The following CCDC149 variants were observed in gnomAD, a reference collection of about 807,000 sequenced individuals.
CCDC149 encodes coiled-coil domain containing 149, also known as coiled-coil domain-containing protein 149.
In CCDC149, 45 loss-of-function variants were observed where a neutral mutation model predicts 59.9. The ratio of observed to expected loss-of-function variants is 0.75; its 90% CI spans 0.59 to 0.96. The LOEUF is 0.96. Ranked by LOEUF, CCDC149 falls within the 40% of genes least tolerant of loss-of-function variation. CCDC149 has a pLI of 0.00. For synonymous variants in CCDC149, 245 were observed against 260.6 expected (o/e 0.94, Z 0.58); for missense variants, 584 against 664.7 (o/e 0.88, Z 1.33).
chr4:24,925,484 TA>T (rs1261395192), intron 1 of CCDC149, among the ~76,000 whole-genome samples: 1 of 152,178 alleles, frequency 6.6e-6, no homozygotes. Flanking sequence ...TGCTTCCTTT[TA>T]AAAAAACTTT....
At chr4:24,928,610 C>T (rs1722495812) in intron 1 of CCDC149, among the ~76,000 whole-genome samples, 1 of 152,188 alleles carries the variant, frequency 6.6e-6, no homozygotes, top group Non-Finnish European at 1.5e-5. Flanking sequence ...GCTTTCTTTG[C>T]TCCAATCACA....
chr4:24,971,556 C>G (rs1404983252), intron 1 of CCDC149, among the ~76,000 whole-genome samples: 1 of 152,236 alleles, frequency 6.6e-6, no homozygotes, highest in Non-Finnish European at 1.5e-5. Flanking sequence ...TATAATTACC[C>G]TGCTAATGCT....
chr4:24,822,789 A>C, intron 9 of CCDC149: 2 of 371,538 alleles, frequency 5.4e-6, no homozygotes, highest in Non-Finnish European at 4.9e-6. Flanking sequence ...CAATACTAAA[A>C]TGCCATGAAA....
chr4:24,892,136 A>T (rs1720563158), intron 1 of CCDC149, among the ~76,000 whole-genome samples: 1 of 152,224 alleles, frequency 6.6e-6, no homozygotes, highest in African/African-American at 2.4e-5. Context: ...GAGAGACTTA[A>T]AAAGATAGAA....
intron 1 of CCDC149, among the ~76,000 whole-genome samples, chr4:24,938,457 C>T (rs967563752): frequency 6.6e-6 from 1 of 152,192 alleles, no homozygotes; most frequent in Non-Finnish European, 1.5e-5. Flanking sequence ...CTCCAGTCTA[C>T]AGCTCCCAGC....
At chr4:24,950,480 A>G (rs1442952891) in intron 1 of CCDC149, among the ~76,000 whole-genome samples, 1 of 152,198 alleles carries the variant, frequency 6.6e-6, no homozygotes, top group Non-Finnish European at 1.5e-5. Flanking sequence ...AATCGAGTGG[A>G]CTCGGGGGTG....
chr4:24,881,489 A>G (rs918599441), intron 1 of CCDC149, among the ~76,000 whole-genome samples: 2 of 152,224 alleles, frequency 1.3e-5, no homozygotes, highest in African/African-American at 4.8e-5. Context: ...AGGGGCAAGC[A>G]CAGCAGACAA....
chr4:24,883,029 C>T (rs1425135363), intron 1 of CCDC149, among the ~76,000 whole-genome samples: 2 of 152,202 alleles, frequency 1.3e-5, no homozygotes, highest in African/African-American at 2.4e-5. Flanking sequence ...AGCCTCCTAA[C>T]TTCCTTATCC....
chr4:24,809,607 C>T (rs1414162192), intron 12 of CCDC149, among the ~76,000 whole-genome samples: 7 of 152,200 alleles, frequency 4.6e-5, no homozygotes, highest in South Asian at 2.1e-4. Flanking sequence ...TCTTAGTACC[C>T]GGGCATGTGC....
At chr4:24,973,024 C>T (rs999456353) in intron 1 of CCDC149, among the ~76,000 whole-genome samples, 3 of 152,142 alleles carry the variant, frequency 2.0e-5, no homozygotes, top group Non-Finnish European at 4.4e-5. Flanking sequence ...TTCCACAACC[C>T]CTCATCTTGA....
chr4:24,904,777 C>T (rs1577471797), intron 1 of CCDC149, among the ~76,000 whole-genome samples: 2 of 152,168 alleles, frequency 1.3e-5, no homozygotes, highest in Admixed American at 6.5e-5. Flanking sequence ...TTTACAGTTC[C>T]CTAATGACTA....
intron 1 of CCDC149, among the ~76,000 whole-genome samples, chr4:24,958,544 A>G (rs1723538596): frequency 6.6e-6 from 1 of 152,224 alleles, no homozygotes; most frequent in Non-Finnish European, 1.5e-5. Context: ...GTTGACAAGG[A>G]CGTTAAAAGT....
chr4:24,893,612 A>ATTTTTTTTTTTTTTTTTTTTTTT (rs1560241640), intron 1 of CCDC149, among the ~76,000 whole-genome samples: 1 of 9,386 alleles, frequency 1.1e-4, no homozygotes, highest in Non-Finnish European at 2.3e-4. Context: ...TAAAATACAG[A>ATTTTTTTTTTTTTTTTTTTTTTT]CTTTTTTTTT....
chr4:24,965,937 C>G (rs2109364114), intron 1 of CCDC149, among the ~76,000 whole-genome samples: 1 of 152,314 alleles, frequency 6.6e-6, no homozygotes. Flanking sequence ...TGGCTTGGAG[C>G]CACTATTATC....
chr4:24,915,889 C>T (rs896018170), upstream of CCDC149, among the ~76,000 whole-genome samples: 5 of 152,174 alleles, frequency 3.3e-5, no homozygotes, highest in African/African-American at 9.7e-5. Flanking sequence ...CTTTTAGGCA[C>T]CTATACCAGA....
intron 4 of CCDC149, among the ~76,000 whole-genome samples, 174 bp downstream of exon 4, chr4:24,852,898 C>A (rs1717753319): frequency 6.6e-6 from 1 of 151,970 alleles, no homozygotes; most frequent in African/African-American, 2.4e-5. Context: ...TGCACACACA[C>A]AAAGGGAATG....
intron 12 of CCDC149, among the ~76,000 whole-genome samples, chr4:24,809,250 G>C (rs1714438419): frequency 6.6e-6 from 1 of 152,148 alleles, no homozygotes; most frequent in South Asian, 2.1e-4. Flanking sequence ...GGATAGTTCG[G>C]GAAGGATTTA....
At chr4:24,979,869 A>G (rs942025782) in intron 1 of CCDC149, among the ~76,000 whole-genome samples, 2 of 152,198 alleles carry the variant, frequency 1.3e-5, no homozygotes, top group Non-Finnish European at 2.9e-5. Context: ...GTCGATGTTA[A>G]TTCCGGTAAA....
chr4:24,833,621 C>G (rs1416508363), intron 8 of CCDC149, among the ~76,000 whole-genome samples: 1 of 150,188 alleles, frequency 6.7e-6, no homozygotes, highest in Non-Finnish European at 1.5e-5. Context: ...GAGACTGTCT[C>G]AAAAAAAAAG....
Sources: gnomAD v4.1 joint callset for allele counts (sites outside exome capture counted in the v4.1 genomes callset) on GRCh38, gnomAD v4.1.1 for gene constraint, MANE v1.5 for transcripts, NCBI Gene and HGNC (gene_info 2026-07-23, HGNC 2026-07-21) for gene names.